ATP2B4: variants seen among roughly 807,000 people sequenced by gnomAD.
ATP2B4 encodes plasma membrane calcium-transporting ATPase 4.
In ATP2B4, 39 loss-of-function variants were observed where a neutral mutation model predicts 110.3. The observed-to-expected ratio is 0.35, with a 90% confidence interval of 0.27 to 0.46. The LOEUF (loss-of-function observed/expected upper bound fraction) is 0.46. Ranked by LOEUF, ATP2B4 falls within the 20% of genes least tolerant of loss-of-function variation. The pLI is 1.00. For synonymous variants in ATP2B4, 538 were observed against 571.7 expected (o/e 0.94, Z 0.84); for missense variants, 1,135 against 1,530.9 (o/e 0.74, Z 4.32).
rs1426980047 is a variant in ATP2B4, at chr1:203,629,518, G to A, written c.-465+2299G>A. Among the ~76,000 whole-genome samples, 1 of 152,084 alleles carries A rather than the reference G, an allele frequency of 6.6e-6. No homozygotes were observed. The highest frequency in any genetic ancestry group is 1.9e-4 in the East Asian group (1 of 5,164). On this transcript the variant is annotated intron_variant, in intron 1 of 20. Coordinates refer to ENST00000357681, the MANE Select transcript of ATP2B4 (RefSeq NM_001684.5). The surrounding 1 kb of genome is among the most constrained non-coding windows in gnomAD (Gnocchi z 4.6). ...CGCGCACCGGGTCGCCTGAGCCCGG[G>A]GTCGCGGCCAAAGGGGTAATCGGCT...
intron 1 of ATP2B4, among the ~76,000 whole-genome samples, chr1:203,656,208 G>A (rs115566336): frequency 0.023 from 3,465 of 152,084 alleles, 112 homozygotes; most frequent in African/African-American, 0.068. Context: ...CTGCAAATAA[G>A]TTTCTCCTCA....
In ATP2B4 at chr1:203,734,705, C is replaced by CA. The variant is rs35242931; in HGVS notation, c.3310-4824dup. Among the ~76,000 whole-genome samples, 277 of 123,604 alleles carry CA rather than the reference C, an allele frequency of 2.2e-3. 1 individual carries two copies. The highest frequency in any genetic ancestry group is 2.7e-3 in the Non-Finnish European group (157 of 58,070). 81.1% of individuals were successfully genotyped at this position (123,604 alleles called of 152,430 possible). On this transcript the variant is annotated intron_variant, in intron 20 of 20. Coordinates refer to ENST00000357681, the MANE Select transcript of ATP2B4 (RefSeq NM_001684.5). ...TGGGCTACAGAGTGAGACTCCATCTCAAAAAAAAAAAAAAAAAGGCCAGGC... is the reference window on the plus strand; with the variant it reads ...TGGGCTACAGAGTGAGACTCCATCTCAAAAAAAAAAAAAAAAAAGGCCAGGC...
At chr1:203,646,026 T>C (rs948411580) in intron 1 of ATP2B4, among the ~76,000 whole-genome samples, 7 of 151,766 alleles carry the variant, frequency 4.6e-5, no homozygotes, top group African/African-American at 1.4e-4. Flanking sequence ...TTAATCCAAA[T>C]GGCAAATTTT....
intron 1 of ATP2B4, among the ~76,000 whole-genome samples, chr1:203,660,568 G>A (rs781079402): frequency 2.9e-4 from 44 of 152,106 alleles, no homozygotes; most frequent in Non-Finnish European, 2.6e-4. Flanking sequence ...TTGGGAGACC[G>A]AGGTGGGCAG....
intron 1 of ATP2B4, among the ~76,000 whole-genome samples, chr1:203,674,096 C>T (rs1462609990): frequency 6.6e-6 from 1 of 152,204 alleles, no homozygotes; most frequent in African/African-American, 2.4e-5. Context: ...GGGCTGCGTC[C>T]TGTCTGTGGC....
intron 2 of ATP2B4, among the ~76,000 whole-genome samples, chr1:203,690,158 C>CT (rs1665322921): frequency 6.6e-6 from 1 of 152,144 alleles, no homozygotes; most frequent in African/African-American, 2.4e-5. Context: ...CGTCTATCAC[C>CT]TTAAGATCTC....
At chr1:203,681,517 G>A (rs902734241) in intron 1 of ATP2B4, among the ~76,000 whole-genome samples, 3 of 152,144 alleles carry the variant, frequency 2.0e-5, no homozygotes, top group Non-Finnish European at 4.4e-5. Flanking sequence ...ATGTTCTGGT[G>A]CTGTGCTAAG....
intron 1 of ATP2B4, among the ~76,000 whole-genome samples, chr1:203,676,771 T>G (rs1571711076): frequency 7.0e-6 from 1 of 142,420 alleles, no homozygotes; most frequent in East Asian, 2.4e-4. Context: ...ATGCTTGGAC[T>G]CACAGCAATC....
intron 20 of ATP2B4, among the ~76,000 whole-genome samples, chr1:203,734,406 G>A (rs1340675745): frequency 6.6e-6 from 1 of 152,086 alleles, no homozygotes; most frequent in Non-Finnish European, 1.5e-5. Context: ...TGGGACTCCG[G>A]TTTAAAAATC....
rs114650573 is a variant in ATP2B4 at position 203,627,663 on chromosome 1, A to G, written c.-465+444A>G. Among the ~76,000 whole-genome samples, 585 of 142,758 alleles carry G rather than the reference A, an allele frequency of 4.1e-3. 5 individuals are homozygous for G. The highest frequency in any genetic ancestry group is 0.015 in the African/African-American group (557 of 37,408). The allele number at this position is 142,758 out of a possible 152,430, so 93.7% of individuals were successfully genotyped here. Reference sequence around the variant, plus strand: ...GTCTGTTCCCTTTCTCGAAAGCCCAAAAGAGAGATGGAAAAAAAAAAAAAA... The same window carrying G: ...GTCTGTTCCCTTTCTCGAAAGCCCAGAAGAGAGATGGAAAAAAAAAAAAAA... On this transcript the variant is annotated intron_variant, in intron 1 of 20. Coordinates refer to ENST00000357681, the MANE Select transcript of ATP2B4 (RefSeq NM_001684.5).
chr1:203,653,986 T>TA (rs1491484876), intron 1 of ATP2B4, among the ~76,000 whole-genome samples: 24 of 68,656 alleles, frequency 3.5e-4, no homozygotes, highest in African/African-American at 1.6e-3. Context: ...TATATATATA[T>TA]TTTTTTTTTT....
intron 1 of ATP2B4, among the ~76,000 whole-genome samples, chr1:203,672,891 G>T (rs1664717322): frequency 6.6e-6 from 1 of 152,150 alleles, no homozygotes; most frequent in Admixed American, 6.6e-5. Flanking sequence ...CTTGGCTTCT[G>T]TTGTAGCCTG....
In ATP2B4 at chr1:203,711,076, G is replaced by T; in HGVS notation, c.1999G>T (p.Val667Leu). The stretch of plus-strand genomic sequence containing the variant: ...CCTCACCGAACTGACCTGTATCGCG[G>T]TGGTGGGCATTGAGGACCCTGTGCG... ...EILTELTCIA[V>L]VGIEDPVRPE... The change falls in exon 12 of 21, where the codon GTG becomes TTG. Residue 667 changes from valine (V) to leucine (L), a missense_variant. Physicochemically the swap from Val to Leu is conservative, Grantham distance 32. This residue lies in a region of ATP2B4 where 368 missense variants were observed against 455.9 expected (regional missense o/e 0.81). Coordinates refer to ENST00000357681, the MANE Select transcript of ATP2B4 (RefSeq NM_001684.5). 1.9e-6 allele frequency: 3 copies of T among 1,614,200 alleles called. No individual in the cohort carries two copies. The highest frequency in any genetic ancestry group is 2.5e-6 in the Non-Finnish European group (3 of 1,180,032).
chr1:203,648,292 TTAA>T (rs1558014516), intron 1 of ATP2B4, among the ~76,000 whole-genome samples: 1 of 150,848 alleles, frequency 6.6e-6, no homozygotes, highest in Non-Finnish European at 1.5e-5. Flanking sequence ...AGTGTTTTTT[TTAA>T]AAAAAAAATC....
At chr1:203,670,910 G>C (rs1046323296) in intron 1 of ATP2B4, among the ~76,000 whole-genome samples, 17 of 152,166 alleles carry the variant, frequency 1.1e-4, no homozygotes, top group African/African-American at 3.4e-4. Flanking sequence ...TCCTTTCTGA[G>C]CCATGGTGGC....
intron 1 of ATP2B4, among the ~76,000 whole-genome samples, chr1:203,673,260 G>A (rs982977368): frequency 5.3e-5 from 8 of 152,166 alleles, no homozygotes; most frequent in African/African-American, 1.9e-4. Context: ...GAGTTGGCAG[G>A]GAGGGGCCCA....
chr1:203,633,174 T>G (rs1663328912), intron 1 of ATP2B4, among the ~76,000 whole-genome samples: 1 of 152,150 alleles, frequency 6.6e-6, no homozygotes, highest in Non-Finnish European at 1.5e-5. Flanking sequence ...CAACCAGAGG[T>G]GAAACACATT....
In ATP2B4 at chr1:203,740,733, C is replaced by G. The variant is rs568950719; in HGVS notation, c.*879C>G. The G allele has an allele frequency of 1.3e-5, 2 of 152,260 alleles. No homozygotes were observed. Among genetic ancestry groups the G allele is most frequent in the African/African-American group, 2.4e-5 (1 of 41,442 alleles). The allele number at this position is 152,260 out of a possible 1,614,324, so 9.4% of individuals were successfully genotyped here. On this transcript the variant is annotated 3_prime_UTR_variant, in exon 21 of 21. Coordinates refer to ENST00000357681, the MANE Select transcript of ATP2B4 (RefSeq NM_001684.5). ...ATGAAGGTTGCATATGTGTGGTATACAGTTTTTACCTGAAAGCCTGAGCTT... is the reference window on the plus strand; with the variant it reads ...ATGAAGGTTGCATATGTGTGGTATAGAGTTTTTACCTGAAAGCCTGAGCTT...
At chr1:203,658,871 G>A (rs1206518189) in intron 1 of ATP2B4, among the ~76,000 whole-genome samples, 1 of 151,994 alleles carries the variant, frequency 6.6e-6, no homozygotes, top group African/African-American at 2.4e-5. Context: ...GGGCGTGGTG[G>A]TGTGTGCCTG....
Sources: gnomAD v4.1 joint callset for allele counts (sites outside exome capture counted in the v4.1 genomes callset) on GRCh38, gnomAD v4.1.1 for gene constraint, gnomAD v4.1.1 regional missense constraint, Gnocchi (gnomAD v3.1) non-coding constraint, MANE v1.5 for transcripts, NCBI Gene and HGNC (gene_info 2026-07-23, HGNC 2026-07-21) for gene names.